DSCAML1: variants seen among roughly 807,000 people sequenced by gnomAD.
The protein encoded by DSCAML1 is cell adhesion molecule DSCAML1.
In DSCAML1, 38 loss-of-function variants were observed where a neutral mutation model predicts 200.5. The ratio of observed to expected loss-of-function variants is 0.19; its 90% confidence interval spans 0.15 to 0.25. DSCAML1 has a LOEUF of 0.25. Ranked by LOEUF, DSCAML1 falls within the 10% of genes least tolerant of loss-of-function variation. The pLI is 1.00. For synonymous variants in DSCAML1, 1,215 were observed against 1,165.0 expected, an observed-to-expected ratio of 1.04 and a Z score of -0.87; for missense variants, 2,223 against 2,858.8, an observed-to-expected ratio of 0.78 and a Z score of 5.07.
chr11:117,532,199 CAT>C (rs1409476591), intron 4 of DSCAML1, among the ~76,000 whole-genome samples, 175 bp downstream of exon 4: 1 of 151,524 alleles, frequency 6.6e-6, no homozygotes, highest in Non-Finnish European at 1.5e-5. Context: ...AAAATGAAAA[CAT>C]AGCAAAGAGG....
chr11:117,428,358 C>T lies in DSCAML1; in HGVS notation c.6132G>A (p.Gly2044=), dbSNP rs1446780748. The T allele has an allele frequency of 2.5e-6, 4 of 1,583,202 alleles. No homozygotes were observed. Among genetic ancestry groups the T allele is most frequent in the Non-Finnish European group, 1.7e-6 (2 of 1,160,704 alleles). ...CCAGGGTGTAGGATTTGGAGTAGGCCCCGGCCCCCTGCTTCTGAGACCTCC... is the reference window on the plus strand; with the variant it reads ...CCAGGGTGTAGGATTTGGAGTAGGCTCCGGCCCCCTGCTTCTGAGACCTCC... ...GVGRSQKQGA[G]AYSKSYTLV The change falls in exon 33 of 33, where the codon GGG becomes GGA. Residue 2044 remains glycine, a synonymous_variant. Transcript: ENST00000651296.
Position 117,437,343 on chromosome 11 carries a change from A to G in DSCAML1, c.4499T>C (p.Leu1500Pro), listed in dbSNP as rs1415637363. The G allele has an allele frequency of 1.2e-6, 2 of 1,614,212 alleles. No homozygotes were observed. The highest frequency in any genetic ancestry group is 1.3e-5 in the African/African-American group (1 of 75,058). ...HINSTHARLN[L>P]QGWNNGGCPI... ...GCAGCCCCCATTGTTCCAGCCCTGC[A>G]GGTTAAGCCGAGCATGCGTGGAGTT... The change falls in exon 26 of 33, where the codon CTG (leucine) becomes CCG (proline). Residue 1500 changes from leucine (L) to proline (P), a missense_variant. Leu to Pro is a moderately conservative substitution (Grantham distance 98). Coordinates refer to ENST00000651296, the MANE Select transcript of DSCAML1 (RefSeq NM_020693.4). The surrounding 1 kb of genome is among the most constrained non-coding windows in gnomAD (Gnocchi z 5.3).
intron 3 of DSCAML1, among the ~76,000 whole-genome samples, chr11:117,664,078 G>T (rs2052923010): frequency 6.6e-6 from 1 of 151,998 alleles, no homozygotes; most frequent in Non-Finnish European, 1.5e-5. Flanking sequence ...GCCGGGCCTG[G>T]GAAGAGAGAG....
intron 1 of DSCAML1, among the ~76,000 whole-genome samples, chr11:117,793,925 C>G (rs2055523213): frequency 6.6e-6 from 1 of 152,140 alleles, no homozygotes; most frequent in Admixed American, 6.5e-5. Context: ...TTCTAGCAAC[C>G]GGGGTCTCTC....
chr11:117,621,168 T>C (rs2051920253), intron 3 of DSCAML1, among the ~76,000 whole-genome samples: 1 of 152,238 alleles, frequency 6.6e-6, no homozygotes, highest in Admixed American at 6.5e-5. Context: ...TTAGAAGTCT[T>C]TGCTGAAAGA....
intron 3 of DSCAML1, among the ~76,000 whole-genome samples, chr11:117,775,916 G>T (rs975406964): frequency 6.6e-6 from 1 of 152,116 alleles, no homozygotes; most frequent in African/African-American, 2.4e-5. Context: ...AATGCTGAAA[G>T]GGCACTCAGA....
intron 3 of DSCAML1, among the ~76,000 whole-genome samples, chr11:117,724,387 G>C (rs938301466): frequency 6.6e-6 from 1 of 152,204 alleles, no homozygotes; most frequent in Non-Finnish European, 1.5e-5. Context: ...GACCCGCCAG[G>C]AAGAGGGGGC....
At chr11:117,770,641 T>C (rs1483878325) in intron 3 of DSCAML1, among the ~76,000 whole-genome samples, 4 of 148,492 alleles carry the variant, frequency 2.7e-5, no homozygotes, top group African/African-American at 9.9e-5. Context: ...CTGATGATTA[T>C]ACATTCCTGT....
chr11:117,693,894 A>G (rs1404762789), intron 3 of DSCAML1, among the ~76,000 whole-genome samples: 1 of 152,058 alleles, frequency 6.6e-6, no homozygotes, highest in East Asian at 1.9e-4. Flanking sequence ...TCCTGTGGCC[A>G]TCATGTTCTC....
chr11:117,707,710 T>C (rs2053780172), intron 3 of DSCAML1, among the ~76,000 whole-genome samples: 1 of 152,038 alleles, frequency 6.6e-6, no homozygotes, highest in South Asian at 2.1e-4. Context: ...ATTTTTTGTA[T>C]TTTTAGTAGA....
chr11:117,665,809 T>A (rs2052963068), intron 3 of DSCAML1, among the ~76,000 whole-genome samples: 1 of 152,074 alleles, frequency 6.6e-6, no homozygotes, highest in Non-Finnish European at 1.5e-5. Flanking sequence ...CACACAGCCC[T>A]AAGACACTGC....
At chr11:117,809,909 A>ACT (rs2055743621) in intron 1 of DSCAML1, among the ~76,000 whole-genome samples, 2 of 145,594 alleles carry the variant, frequency 1.4e-5, no homozygotes, top group South Asian at 2.1e-4. Context: ...ACACTCACAC[A>ACT]CACATTCACA....
At chr11:117,431,889 C>T (rs2047805427) in intron 30 of DSCAML1, among the ~76,000 whole-genome samples, 161 bp from the exon 31 acceptor site, 1 of 152,090 alleles carries the variant, frequency 6.6e-6, no homozygotes, top group Non-Finnish European at 1.5e-5. Context: ...ATCGCTGTCC[C>T]CAGAGGAGAA....
At chr11:117,567,716 T>A (rs2050781544) in intron 3 of DSCAML1, among the ~76,000 whole-genome samples, 1 of 152,172 alleles carries the variant, frequency 6.6e-6, no homozygotes, top group Non-Finnish European at 1.5e-5. Flanking sequence ...GGAGCTGAAA[T>A]TGTGGCAATA....
chr11:117,536,368 A>G (rs1212724407), intron 3 of DSCAML1, among the ~76,000 whole-genome samples: 1 of 152,112 alleles, frequency 6.6e-6, no homozygotes, highest in Admixed American at 6.5e-5. Context: ...CATGCTCTGC[A>G]CCCCAGAGGC....
chr11:117,761,375 TC>T (rs1037042616), intron 3 of DSCAML1, among the ~76,000 whole-genome samples: 2 of 152,172 alleles, frequency 1.3e-5, no homozygotes, highest in Non-Finnish European at 2.9e-5. Flanking sequence ...TTTGTGTTCC[TC>T]CCTTCCTCCT....
intron 3 of DSCAML1, among the ~76,000 whole-genome samples, chr11:117,680,841 C>G (rs1018414855): frequency 6.6e-6 from 1 of 152,206 alleles, no homozygotes; most frequent in African/African-American, 2.4e-5. Context: ...GGGGCTGGAC[C>G]TGCAGCAGTG....
rs2049435237 is a variant in DSCAML1, at chr11:117,503,427, CCTT to C, written c.2359+415_2359+417del. Among the ~76,000 whole-genome samples the C allele has an allele frequency of 6.6e-6, 1 of 152,148 alleles. No homozygotes were observed. The highest frequency in any genetic ancestry group is 1.5e-5 in the Non-Finnish European group (1 of 68,022). On this transcript the variant is annotated intron_variant, in intron 11 of 32. Coordinates refer to ENST00000651296, the MANE Select transcript of DSCAML1 (RefSeq NM_020693.4). This position sits in a 1 kb window ranked among gnomAD's most constrained non-coding sequence, Gnocchi z 5.2. ...AACCCAGGTTTTCTGACCTATAGCC[CCTT>C]CTTCTACATTGTGTATATGCTATTT...
At chr11:117,577,457 CT>C (rs777085082) in intron 3 of DSCAML1, among the ~76,000 whole-genome samples, 79,966 of 98,686 alleles carry the variant, frequency 0.81, 31,974 homozygotes, top group Non-Finnish European at 0.86. Context: ...TCCTTCCTTC[CT>C]TTCCTTCCTT....
Sources: allele counts gnomAD v4.1 joint callset (sites outside exome capture counted in the v4.1 genomes callset), GRCh38; gene constraint gnomAD v4.1.1; non-coding constraint Gnocchi (gnomAD v3.1); transcripts MANE v1.5; gene names NCBI Gene and HGNC (gene_info 2026-07-23, HGNC 2026-07-21).